The following SCGB3A2 variants were observed in gnomAD, a reference collection of about 807,000 sequenced individuals.
SCGB3A2 encodes the protein secretoglobin family 3A member 2.
In SCGB3A2, 5 loss-of-function variants were observed where a neutral mutation model predicts 7.7. The observed-to-expected ratio is 0.65, with a 90% CI of 0.34 to 1.36. SCGB3A2 has a LOEUF of 1.36. SCGB3A2 is among the 40% of genes most tolerant of loss of function. SCGB3A2 has a pLI of 0.04. For missense variants in SCGB3A2, 109 were observed against 103.6 expected (o/e 1.05, Z -0.23); for synonymous variants, 44 against 42.7 (o/e 1.03, Z -0.12).
chr5:147,879,768 G>C (rs965625902), intron 1 of SCGB3A2, among the ~76,000 whole-genome samples: 1 of 152,184 alleles, frequency 6.6e-6, no homozygotes, highest in African/African-American at 2.4e-5. Flanking sequence ...ATACAGAGAA[G>C]ATATTTACCA....
intron 1 of SCGB3A2, chr5:147,881,154 G>T: frequency 6.1e-6 from 2 of 325,548 alleles, no homozygotes; most frequent in Middle Eastern, 8.6e-4. Flanking sequence ...TTTAGGTAAT[G>T]GTAAGAAAAA....
chr5:147,880,353 C>A (rs924226124), intron 1 of SCGB3A2, among the ~76,000 whole-genome samples: 36 of 152,120 alleles, frequency 2.4e-4, no homozygotes, highest in African/African-American at 8.4e-4. Flanking sequence ...AAAAAAAATC[C>A]AAACTCCTTT....
Position 147,881,952 on chromosome 5 carries a change from T to G in SCGB3A2, c.259-75T>G, listed in dbSNP as rs1757355545. ...GTAAAATAGTGGCCAAACAGGACAC[T>G]GGAAGTGAATATGTTTTGAAACATG... On this transcript the variant is annotated intron_variant, in intron 2 of 2. Transcript: ENST00000296694. The G allele has an allele frequency of 3.3e-6, 5 of 1,509,642 alleles. No homozygotes were observed. The Admixed American group carries it at 6.7e-5, about 20-fold the overall frequency. 93.5% of individuals were successfully genotyped at this position (1,509,642 alleles called of 1,614,324 possible). A position where few individuals can be genotyped will look rare whatever the true frequency, so the allele number is the denominator to read the frequency against.
Position 147,881,328 on chromosome 5 carries a change from A to T in SCGB3A2, c.56-118A>T, listed in dbSNP as rs139166445. ...CAAAGGGCCAGAGGTAGAAGTTTTC[A>T]ATGGAAGTAAGATGAGTGGATCTGG... On this transcript the variant is annotated intron_variant, in intron 1 of 2. Coordinates refer to ENST00000296694, the MANE Select transcript of SCGB3A2 (RefSeq NM_054023.5). 278 of 829,782 alleles carry T rather than the reference A, an allele frequency of 3.4e-4. 2 individuals are homozygous for T. In the Middle Eastern group the frequency reaches 4.0e-3, roughly 12 times the overall value. The allele number at this position is 829,782 out of a possible 1,614,324, so 51.4% of individuals were successfully genotyped here.
intron 1 of SCGB3A2, 115 bp downstream of exon 1, chr5:147,878,973 T>A (rs1580973473): frequency 2.1e-6 from 1 of 474,154 alleles, no homozygotes; most frequent in Non-Finnish European, 3.5e-6. Flanking sequence ...AGGAATTGTA[T>A]TTTTTTTTAT....
chr5:147,880,564 T>C (rs1757331470), intron 1 of SCGB3A2, among the ~76,000 whole-genome samples: 1 of 152,204 alleles, frequency 6.6e-6, no homozygotes, highest in Non-Finnish European at 1.5e-5. Flanking sequence ...GCTTCTCCTC[T>C]TCTTTACCTT....
At position 147,878,842 on chromosome 5, in the gene SCGB3A2, C is replaced by T. The variant is rs1757301252; in HGVS notation, c.39C>T (p.Ser13=). 1.9e-6 allele frequency: 3 copies of T among 1,610,718 alleles called. No individual in the cohort carries two copies. Among genetic ancestry groups the T allele is most frequent in the Non-Finnish European group, 2.5e-6 (3 of 1,177,132 alleles). The change falls in exon 1 of 3, where the codon AGC becomes AGT. Residue 13 remains serine (S), a synonymous_variant. Transcript: ENST00000296694. ...LVTIFLLVTI[S]LCSYSATAFL... is the part of the protein sequence containing the mutation. Reference sequence around the variant, plus strand: ...CTATCTTCCTGCTGGTGACCATCAGCCTTTGTAGTTACTCTGGTAAGTAAC... The same window carrying T: ...CTATCTTCCTGCTGGTGACCATCAGTCTTTGTAGTTACTCTGGTAAGTAAC...
chr5:147,882,134 G>A lies in SCGB3A2; in HGVS notation c.*84G>A. 3.0e-6 allele frequency: 4 copies of A among 1,342,882 alleles called. No homozygotes were observed. The South Asian group carries it at 4.7e-5, about 16-fold the overall frequency. 83.2% of individuals were successfully genotyped at this position (1,342,882 alleles called of 1,614,324 possible). ...CCTGAAACCTGTTCTACCAATTATAGATCAAATGCCCTAAAATGTAGTGAC... is the reference window on the plus strand; with the variant it reads ...CCTGAAACCTGTTCTACCAATTATAAATCAAATGCCCTAAAATGTAGTGAC... On this transcript the variant is annotated 3_prime_UTR_variant, in exon 3 of 3. Coordinates refer to ENST00000296694, the MANE Select transcript of SCGB3A2 (RefSeq NM_054023.5).
Position 147,881,649 on chromosome 5 carries a change from G to T in SCGB3A2, c.258+1G>T, listed in dbSNP as rs2127118848. 1 of 1,612,704 alleles carries T rather than the reference G, an allele frequency of 6.2e-7. No homozygotes were observed. Among genetic ancestry groups the T allele is most frequent in the Non-Finnish European group, 8.5e-7 (1 of 1,179,276 alleles). On this transcript the variant is annotated splice_donor_variant, in intron 2 of 2. Transcript: ENST00000296694. LOFTEE classifies it high-confidence loss of function. Reference sequence around the variant, plus strand: ...TTCTGAAGCTGTGAAGAAACTGCTGGTAACCACAGCTTGGGAGGCTAATCT... The same window carrying T: ...TTCTGAAGCTGTGAAGAAACTGCTGTTAACCACAGCTTGGGAGGCTAATCT...
chr5:147,881,762 A>C (rs1371541125), intron 2 of SCGB3A2, 114 bp downstream of exon 2: 3 of 889,278 alleles, frequency 3.4e-6, no homozygotes, highest in Admixed American at 2.7e-5. Context: ...GATTATATTC[A>C]TAGGAAGTTT....
chr5:147,881,568 G>A lies in SCGB3A2; in HGVS notation c.178G>A (p.Val60Ile). Reference sequence around the variant, plus strand: ...TCTTCTGAAAACTCTGGGCATTTCTGTTGAGCACCTTGTGGAGGGGCTAAG... The same window carrying A: ...TCTTCTGAAAACTCTGGGCATTTCTATTGAGCACCTTGTGGAGGGGCTAAG... ...KLLLKTLGIS[V>I]EHLVEGLRKC... Residue 60 changes from valine (V) to isoleucine (I), a missense_variant, in exon 2 of 3, where the codon GTT becomes ATT. Coordinates refer to ENST00000296694, the MANE Select transcript of SCGB3A2 (RefSeq NM_054023.5). The A allele has an allele frequency of 6.2e-7, 1 of 1,613,990 alleles. No homozygotes were observed. Among genetic ancestry groups the A allele is most frequent in the Non-Finnish European group, 8.5e-7 (1 of 1,179,920 alleles).
intron 2 of SCGB3A2, 65 bp from the exon 3 acceptor site, chr5:147,881,960 AAT>A (rs1026093640): frequency 7.8e-6 from 12 of 1,543,352 alleles, no homozygotes; most frequent in Middle Eastern, 1.7e-4. Context: ...ACTGGAAGTG[AAT>A]ATGTTTTGAA....
In SCGB3A2 at chr5:147,882,081, A is replaced by C; in HGVS notation, c.*31A>C. ...AGATAAAGAGCGGAGGTGGATGGGG[A>C]TGGAAGATGATGCTCCTATCCTCCC... On this transcript the variant is annotated 3_prime_UTR_variant, in exon 3 of 3. Transcript: ENST00000296694. 6.2e-7 allele frequency: 1 copy of C among 1,609,564 alleles called. No individual in the cohort carries two copies. Among genetic ancestry groups the C allele is most frequent in the Non-Finnish European group, 8.5e-7 (1 of 1,176,036 alleles).
intron 1 of SCGB3A2, 111 bp downstream of exon 1, chr5:147,878,969 T>C (rs1172003006): frequency 1.3e-6 from 1 of 744,496 alleles, no homozygotes; most frequent in Non-Finnish European, 2.3e-6. Context: ...TGGTAGGAAT[T>C]GTATTTTTTT....
rs1446589343 is a variant in SCGB3A2 at position 147,881,433 on chromosome 5, CT to C, written c.56-8del. On this transcript the variant is annotated splice_polypyrimidine_tract_variant and intron_variant, in intron 1 of 2. Coordinates refer to ENST00000296694, the MANE Select transcript of SCGB3A2 (RefSeq NM_054023.5). Reference sequence around the variant, plus strand: ...GATGTGCCTGTCTCACCTGGTTTCTCTTTTTCCTGCAGCTACTGCCTTCCTC... The same window carrying C: ...GATGTGCCTGTCTCACCTGGTTTCTCTTTTCCTGCAGCTACTGCCTTCCTC... 6.2e-7 allele frequency: 1 copy of C among 1,612,848 alleles called. No homozygotes were observed. The highest frequency in any genetic ancestry group is 8.5e-7 in the Non-Finnish European group (1 of 1,179,024).
intron 1 of SCGB3A2, among the ~76,000 whole-genome samples, chr5:147,879,442 C>A (rs1195876704): frequency 1.3e-5 from 2 of 152,114 alleles, no homozygotes; most frequent in Non-Finnish European, 2.9e-5. Context: ...AAATATTGTT[C>A]TTAAGGTGCT....
At chr5:147,881,895 C>T (rs1267169471) in intron 2 of SCGB3A2, 132 bp from the exon 3 acceptor site, 27 of 960,858 alleles carry the variant, frequency 2.8e-5, no homozygotes, top group African/African-American at 1.5e-4. Context: ...TTGGATGAGA[C>T]GTAATCACTC....
chr5:147,881,737 C>T (rs1757352497), intron 2 of SCGB3A2, 89 bp downstream of exon 2: 7 of 1,004,418 alleles, frequency 7.0e-6, no homozygotes, highest in South Asian at 3.2e-5. Context: ...TGTAAATGTG[C>T]ATTTCCACTT....
chr5:147,881,540 G>T lies in SCGB3A2; in HGVS notation c.150G>T (p.Lys50Asn), dbSNP rs780518946. 2.5e-6 allele frequency: 4 copies of T among 1,613,904 alleles called. No individual in the cohort carries two copies. Among genetic ancestry groups the T allele is most frequent in the Non-Finnish European group, 3.4e-6 (4 of 1,179,948 alleles). Residue 50 changes from lysine (K) to asparagine (N), a missense_variant, in exon 2 of 3, where the codon AAG (lysine) becomes AAT (asparagine). Transcript: ENST00000296694. ...TTCTTCCCTTTATGGATCCATTAAA[G>T]CTTCTTCTGAAAACTCTGGGCATTT... ...DNILPFMDPL[K>N]LLLKTLGISV...
Sources: gnomAD v4.1 joint callset for allele counts (sites outside exome capture counted in the v4.1 genomes callset) on GRCh38, gnomAD v4.1.1 for gene constraint, MANE v1.5 for transcripts, NCBI Gene and HGNC (gene_info 2026-07-23, HGNC 2026-07-21) for gene names.